Variants in GAP43 observed in about 807,000 individuals in gnomAD.
GAP43 encodes growth associated protein 43.
GAP43 carries 6 observed loss-of-function variants against 18.6 expected under a neutral mutation model. The observed-to-expected ratio is 0.32, with a 90% CI of 0.18 to 0.64. GAP43 has a LOEUF of 0.64. Ranked by LOEUF, GAP43 falls within the 30% of genes least tolerant of loss-of-function variation. GAP43 has a pLI of 0.78. For missense variants in GAP43, 292 were observed against 295.5 expected (o/e 0.99, Z 0.09); for synonymous variants, 115 against 111.4 (o/e 1.03, Z -0.20).
rs940830329 is a variant in GAP43, at chr3:115,676,354, C to T, written c.372C>T (p.Ala124=). Residue 124 remains alanine (A), a synonymous_variant, in exon 2 of 3, where the codon GCC becomes GCT. Transcript: ENST00000305124. The stretch of plus-strand genomic sequence containing the variant: ...GTGATGCTGCCACAGAGCAGGCAGC[C>T]CCCCAGGCTCCTGCATCCTCAGAGG... ...GEGDAATEQA[A]PQAPASSEEK... The T allele has an allele frequency of 1.2e-6, 2 of 1,614,030 alleles. No individual in the cohort carries two copies. The highest frequency in any genetic ancestry group is 8.5e-7 in the Non-Finnish European group (1 of 1,179,968).
At chr3:115,630,556 A>G (rs1708248252) in intron 1 of GAP43, among the ~76,000 whole-genome samples, 1 of 152,168 alleles carries the variant, frequency 6.6e-6, no homozygotes, top group African/African-American at 2.4e-5. Context: ...TAAGTAGTGT[A>G]TTTTCTCTGA....
At chr3:115,689,245 T>TA (rs1191528595) in intron 2 of GAP43, among the ~76,000 whole-genome samples, 1 of 152,220 alleles carries the variant, frequency 6.6e-6, no homozygotes, top group East Asian at 1.9e-4. Flanking sequence ...GTAGCATTCT[T>TA]AGTGCCTAAA....
At chr3:115,632,152 C>A (rs989299620) in intron 1 of GAP43, among the ~76,000 whole-genome samples, 1 of 151,898 alleles carries the variant, frequency 6.6e-6, no homozygotes, top group Non-Finnish European at 1.5e-5. Flanking sequence ...TGCTGCCTCC[C>A]CCTCTATACC....
At chr3:115,709,353 A>C (rs539013922) in intron 2 of GAP43, among the ~76,000 whole-genome samples, 1 of 152,190 alleles carries the variant, frequency 6.6e-6, no homozygotes, top group African/African-American at 2.4e-5. Flanking sequence ...TTTTCACATT[A>C]ATGTTGTTTG....
chr3:115,671,300 T>G (rs1356389789), intron 1 of GAP43, among the ~76,000 whole-genome samples: 1 of 152,216 alleles, frequency 6.6e-6, no homozygotes, highest in Admixed American at 6.5e-5. Flanking sequence ...TAATTACTTC[T>G]TATTTCTGGC....
chr3:115,686,942 A>G (rs1709042867), intron 2 of GAP43, among the ~76,000 whole-genome samples: 1 of 152,218 alleles, frequency 6.6e-6, no homozygotes, highest in Non-Finnish European at 1.5e-5. Flanking sequence ...TCACAGAGGT[A>G]GAATCAGATG....
chr3:115,663,155 T>C (rs1708686922), intron 1 of GAP43, among the ~76,000 whole-genome samples: 1 of 152,152 alleles, frequency 6.6e-6, no homozygotes, highest in South Asian at 2.1e-4. Flanking sequence ...ACTTTCTGAG[T>C]ATCATTCGAT....
chr3:115,720,653 G>T (rs934766213), intron 2 of GAP43, 141 bp from the exon 3 acceptor site: 2 of 556,214 alleles, frequency 3.6e-6, no homozygotes, highest in Non-Finnish European at 6.5e-6. Flanking sequence ...CATTAACTGG[G>T]ATATTAATAA....
At chr3:115,714,057 A>G (rs1709472395) in intron 2 of GAP43, among the ~76,000 whole-genome samples, 1 of 152,242 alleles carries the variant, frequency 6.6e-6, no homozygotes, top group African/African-American at 2.4e-5. Flanking sequence ...GCTAGCATAT[A>G]AATTCCAATA....
intron 1 of GAP43, chr3:115,659,011 T>G (rs1010265985): frequency 1.1e-4 from 17 of 152,464 alleles, no homozygotes; most frequent in African/African-American, 2.9e-4. Flanking sequence ...CTGGGTCAAT[T>G]GGAAGTAACC....
At chr3:115,705,461 T>G (rs2107371200) in intron 2 of GAP43, among the ~76,000 whole-genome samples, 1 of 152,324 alleles carries the variant, frequency 6.6e-6, no homozygotes, top group African/African-American at 2.4e-5. Flanking sequence ...ACATTTAAAA[T>G]CATTTATTGA....
At chr3:115,694,706 A>G (rs1419971793) in intron 2 of GAP43, among the ~76,000 whole-genome samples, 2 of 152,200 alleles carry the variant, frequency 1.3e-5, no homozygotes, top group Non-Finnish European at 2.9e-5. Flanking sequence ...CTCCCTTTCC[A>G]TAATTATTTT....
intron 1 of GAP43, chr3:115,658,725 G>T (rs561659775): frequency 6.6e-6 from 1 of 152,344 alleles, no homozygotes; most frequent in South Asian, 2.1e-4. Context: ...GAACACCCGG[G>T]AGTTCGCTTT....
intron 1 of GAP43, among the ~76,000 whole-genome samples, chr3:115,627,628 A>G (rs1708207399): frequency 6.6e-6 from 1 of 152,152 alleles, no homozygotes; most frequent in Non-Finnish European, 1.5e-5. Flanking sequence ...ATAAAGTAAG[A>G]CAAGTCTTCC....
At chr3:115,668,196 A>G (rs1290330265) in intron 1 of GAP43, among the ~76,000 whole-genome samples, 3 of 152,116 alleles carry the variant, frequency 2.0e-5, no homozygotes, top group Non-Finnish European at 4.4e-5. Flanking sequence ...TAGTCAAGTG[A>G]TTCTGTCTGG....
At chr3:115,702,121 G>A (rs908612886) in intron 2 of GAP43, among the ~76,000 whole-genome samples, 4 of 152,106 alleles carry the variant, frequency 2.6e-5, no homozygotes, top group Non-Finnish European at 5.9e-5. Flanking sequence ...CAGGAATGGA[G>A]TCAAGATTGT....
chr3:115,631,907 C>T (rs907062010), intron 1 of GAP43, among the ~76,000 whole-genome samples: 3 of 152,052 alleles, frequency 2.0e-5, no homozygotes, highest in Non-Finnish European at 2.9e-5. Context: ...AGGCATGAGC[C>T]GGGCACGGCT....
At chr3:115,670,978 T>G (rs1428574945) in intron 1 of GAP43, among the ~76,000 whole-genome samples, 2 of 152,228 alleles carry the variant, frequency 1.3e-5, no homozygotes, top group African/African-American at 4.8e-5. Context: ...ATACTATTTT[T>G]TAAAAATTTA....
At chr3:115,635,266 G>C (rs145166917) in intron 1 of GAP43, among the ~76,000 whole-genome samples, 8 of 152,096 alleles carry the variant, frequency 5.3e-5, no homozygotes, top group Non-Finnish European at 1.0e-4. Flanking sequence ...AGTCTTTCAC[G>C]ATAATCCTCT....
Sources: gnomAD v4.1 joint callset for allele counts (sites outside exome capture counted in the v4.1 genomes callset) on GRCh38, gnomAD v4.1.1 for gene constraint, MANE v1.5 for transcripts, NCBI Gene and HGNC (gene_info 2026-07-23, HGNC 2026-07-21) for gene names.